Variants in NFAM1 observed in about 807,000 individuals in gnomAD.
NFAM1 encodes the protein NFAT activation molecule 1.
In NFAM1, 17 loss-of-function variants were observed where a neutral mutation model predicts 29.0. The observed-to-expected ratio is 0.59, with a 90% CI of 0.40 to 0.88. The LOEUF is 0.88. Ranked by LOEUF, NFAM1 falls within the 40% of genes least tolerant of loss-of-function variation. The probability of loss-of-function intolerance (pLI) is 0.00; values close to 1 mark genes in which losing one functional copy is unlikely to be tolerated. For missense variants in NFAM1, 324 were observed against 344.6 expected (o/e 0.94, Z 0.47); for synonymous variants, 175 against 147.2 (o/e 1.19, Z -1.36).
At chr22:42,402,286 C>T (rs1002816494) in intron 3 of NFAM1, among the ~76,000 whole-genome samples, 4 of 152,222 alleles carry the variant, frequency 2.6e-5, no homozygotes, top group African/African-American at 9.6e-5. Flanking sequence ...TGCTGGGACG[C>T]AGAGGACTCG....
rs150375095 is a variant in NFAM1 at position 42,411,496 on chromosome 22, G to A, written c.362C>T (p.Pro121Leu). ...GTAGGTGCCAGTGGCCGATGCTCCC[G>A]GCAGCACAAGGGTGACCTGGCAGTC... ...TLDCQVTLVL[P>L]GASATGTYYC... Residue 121 changes from proline (P) to leucine (L), a missense_variant, in exon 2 of 6, where the codon CCG (proline) becomes CTG (leucine). Coordinates refer to ENST00000329021, the MANE Select transcript of NFAM1 (RefSeq NM_145912.8). The A allele has an allele frequency of 9.3e-6, 15 of 1,614,060 alleles. No individual in the cohort carries two copies. Among genetic ancestry groups the A allele is most frequent in the South Asian group, 4.4e-5 (4 of 91,090 alleles).
chr22:42,398,577 G>C (rs1929618086), intron 3 of NFAM1, among the ~76,000 whole-genome samples: 1 of 151,868 alleles, frequency 6.6e-6, no homozygotes, highest in Admixed American at 6.6e-5. Context: ...ACCACGCCCG[G>C]CTAATTTTGT....
At chr22:42,413,779 G>A (rs1466335204) in intron 1 of NFAM1, among the ~76,000 whole-genome samples, 2 of 152,004 alleles carry the variant, frequency 1.3e-5, no homozygotes, top group East Asian at 1.9e-4. Context: ...TTTGGCCAGG[G>A]CTGTTGGCTC....
intron 3 of NFAM1, 51 bp from the exon 4 acceptor site, chr22:42,398,007 C>T (rs1247613772): frequency 2.0e-6 from 2 of 978,854 alleles, no homozygotes. Flanking sequence ...TCGTCTTCCT[C>T]CCCGCACAGA....
intron 1 of NFAM1, among the ~76,000 whole-genome samples, chr22:42,426,224 G>T (rs914132017): frequency 2.0e-5 from 3 of 152,164 alleles, no homozygotes. Flanking sequence ...ATACACCAGG[G>T]TTAGGGGCCT....
intron 3 of NFAM1, among the ~76,000 whole-genome samples, chr22:42,402,977 G>A (rs1293180008): frequency 6.6e-6 from 1 of 151,684 alleles, no homozygotes; most frequent in Non-Finnish European, 1.5e-5. Context: ...TGGGATTACA[G>A]GAGCCTACCA....
intron 1 of NFAM1, among the ~76,000 whole-genome samples, chr22:42,427,102 T>G (rs1287730663): frequency 6.6e-6 from 1 of 150,932 alleles, no homozygotes; most frequent in Non-Finnish European, 1.5e-5. Context: ...CTCATGTCCA[T>G]ACCCCTCCCC....
At chr22:42,405,107 G>T (rs1929851292) in intron 3 of NFAM1, among the ~76,000 whole-genome samples, 1 of 152,158 alleles carries the variant, frequency 6.6e-6, no homozygotes, top group Non-Finnish European at 1.5e-5. Context: ...CCATCCTGGA[G>T]GGGAGGGAGC....
chr22:42,437,669 G>A, the NFAM1 span, among the ~76,000 whole-genome samples: 1 of 152,330 alleles, frequency 6.6e-6, no homozygotes, highest in African/African-American at 2.4e-5. Flanking sequence ...CCTGGTGGTA[G>A]ACATGGGAAC....
At chr22:42,396,119 T>G (rs892302508) in intron 4 of NFAM1, among the ~76,000 whole-genome samples, 1 of 152,088 alleles carries the variant, frequency 6.6e-6, no homozygotes, top group Non-Finnish European at 1.5e-5. Flanking sequence ...TGTCAAGGGC[T>G]TGGCAAAGTT....
rs1209399291 is a variant in NFAM1 at position 42,411,528 on chromosome 22, G to A, written c.330C>T (p.His110=). ...CAAGGGTGACCTGGCAGTCCAGGGTGTGGCTCTGGTTCTCTGTGCCCAGTC... is the reference window on the plus strand; with the variant it reads ...CAAGGGTGACCTGGCAGTCCAGGGTATGGCTCTGGTTCTCTGTGCCCAGTC... The part of the protein sequence containing the change: ...HPGLGTENQS[H]TLDCQVTLVL... The change falls in exon 2 of 6, where the codon CAC becomes CAT. Residue 110 remains histidine, a synonymous_variant. Coordinates refer to ENST00000329021, the MANE Select transcript of NFAM1 (RefSeq NM_145912.8). The A allele has an allele frequency of 4.3e-6, 7 of 1,614,066 alleles. No individual in the cohort carries two copies. The African/African-American group carries it at 5.3e-5, about 12-fold the overall frequency.
At chr22:42,404,013 T>A (rs4378904) in intron 3 of NFAM1, among the ~76,000 whole-genome samples, 4,262 of 152,272 alleles carry the variant, frequency 0.028, 206 homozygotes, top group African/African-American at 0.099. Context: ...CAGGGCTGAC[T>A]GTGCCACCTG....
intron 1 of NFAM1, among the ~76,000 whole-genome samples, chr22:42,416,927 G>A (rs569444447): frequency 9.7e-4 from 148 of 152,214 alleles, no homozygotes; most frequent in African/African-American, 3.2e-3. Flanking sequence ...AGACCAGGGT[G>A]GATACCAGAC....
chr22:42,391,790 C>A (rs983195101), intron 4 of NFAM1, among the ~76,000 whole-genome samples: 1 of 151,672 alleles, frequency 6.6e-6, no homozygotes, highest in Non-Finnish European at 1.5e-5. Context: ...ACTAAAAATA[C>A]AAAAACTAGC....
intron 4 of NFAM1, among the ~76,000 whole-genome samples, chr22:42,395,474 C>G (rs1173118594): frequency 4.0e-5 from 6 of 148,174 alleles, no homozygotes; most frequent in Admixed American, 4.0e-4. Context: ...AAGACTCTGT[C>G]TCAAAAAAAA....
chr22:42,420,350 T>C (rs1160435239), intron 1 of NFAM1, among the ~76,000 whole-genome samples: 1 of 152,138 alleles, frequency 6.6e-6, no homozygotes, highest in Non-Finnish European at 1.5e-5. Context: ...GGCATGCCTG[T>C]AGTCCTAGCT....
At chr22:42,418,955 G>T (rs759659541) in intron 1 of NFAM1, among the ~76,000 whole-genome samples, 1 of 152,174 alleles carries the variant, frequency 6.6e-6, no homozygotes, top group South Asian at 2.1e-4. Context: ...TCCCACCCTT[G>T]TTGGGAAAGA....
intron 4 of NFAM1, among the ~76,000 whole-genome samples, chr22:42,393,730 G>A (rs1415418653): frequency 1.3e-5 from 2 of 150,982 alleles, no homozygotes; most frequent in African/African-American, 4.9e-5. Flanking sequence ...AAAAAAAAAA[G>A]TTTAATTAGT....
chr22:42,385,326 C>T, intron 5 of NFAM1, 106 bp from the exon 6 acceptor site: 8 of 828,638 alleles, frequency 9.7e-6, no homozygotes, highest in Non-Finnish European at 4.2e-6. Context: ...CAGATCACTT[C>T]CTGTGTAGCT....
Sources: allele counts gnomAD v4.1 joint callset (sites outside exome capture counted in the v4.1 genomes callset), GRCh38; gene constraint gnomAD v4.1.1; transcripts MANE v1.5; gene names NCBI Gene and HGNC (gene_info 2026-07-23, HGNC 2026-07-21).